EXOC6B: variants seen among roughly 807,000 people sequenced by gnomAD.
EXOC6B encodes the protein SEC15 homolog B.
Under a neutral mutation model 113.5 loss-of-function variants are expected in EXOC6B, and 54 were observed. The ratio of observed to expected loss-of-function variants is 0.48; its 90% confidence interval spans 0.38 to 0.60. EXOC6B has a LOEUF of 0.60. Among genes scored for constraint, EXOC6B ranks in the 20% least tolerant of loss-of-function variants. The pLI is 0.00. For missense variants in EXOC6B, 797 were observed against 977.5 expected (o/e 0.82, Z 2.46); for synonymous variants, 357 against 339.0 (o/e 1.05, Z -0.58).
At chr2:72,752,990 A>G (rs1473299951) in intron 1 of EXOC6B, among the ~76,000 whole-genome samples, 2 of 152,038 alleles carry the variant, frequency 1.3e-5, no homozygotes, top group Non-Finnish European at 2.9e-5. Flanking sequence ...ATACCCTCAG[A>G]GATCTCATCA....
Position 72,515,129 on chromosome 2 carries a change from G to A in EXOC6B, c.916-3C>T. Reference sequence around the variant, plus strand: ...TTCTCAAATGTTTCCCGGGCACCCTGTAAATAAAGAAAAGAAAATGGGTTG... The same window carrying A: ...TTCTCAAATGTTTCCCGGGCACCCTATAAATAAAGAAAAGAAAATGGGTTG... On this transcript the variant is annotated splice_polypyrimidine_tract_variant and splice_region_variant and intron_variant, in intron 8 of 21. Coordinates refer to ENST00000272427, the MANE Select transcript of EXOC6B (RefSeq NM_015189.3). 6.3e-7 allele frequency: 1 copy of A among 1,593,548 alleles called. No homozygotes were observed. Among genetic ancestry groups the A allele is most frequent in the Non-Finnish European group, 8.6e-7 (1 of 1,169,018 alleles).
At chr2:72,195,088 C>T (rs116218017) in intron 20 of EXOC6B, among the ~76,000 whole-genome samples, 2,031 of 152,198 alleles carry the variant, frequency 0.013, 30 homozygotes, top group Non-Finnish European at 0.02. Context: ...ATTTATTTGC[C>T]GCATAAATGT....
intron 20 of EXOC6B, among the ~76,000 whole-genome samples, chr2:72,301,997 T>C (rs970543972): frequency 1.3e-5 from 2 of 152,144 alleles, no homozygotes; most frequent in Non-Finnish European, 2.9e-5. Flanking sequence ...TTCCCTCTTT[T>C]CATTGCCTTA....
In EXOC6B at chr2:72,655,958, T is replaced by C. The variant is rs368489330; in HGVS notation, c.669+62145A>G. On this transcript the variant is annotated intron_variant, in intron 6 of 21. Coordinates refer to ENST00000272427, the MANE Select transcript of EXOC6B (RefSeq NM_015189.3). ...AGATAGGATGCCTCTATTGTAAATA[T>C]GTCAATTAATCCAGTAATTAAATTA... Among the ~76,000 whole-genome samples the C allele has an allele frequency of 1.5e-4, 23 of 152,242 alleles. 2 individuals carry two copies. The highest frequency in any genetic ancestry group is 4.6e-4 in the African/African-American group (19 of 41,574).
intron 1 of EXOC6B, among the ~76,000 whole-genome samples, chr2:72,777,576 T>C (rs1189713474): frequency 1.3e-5 from 2 of 151,852 alleles, no homozygotes; most frequent in Non-Finnish European, 2.9e-5. Context: ...CTAAAGCAAG[T>C]CCCTCAGGCT....
At chr2:72,465,070 A>T in intron 18 of EXOC6B, 90 bp downstream of exon 18, 2 of 1,045,000 alleles carry the variant, frequency 1.9e-6, no homozygotes, top group Non-Finnish European at 2.9e-6. Context: ...CTTCCTGGGT[A>T]GTTACAGCAG....
intron 6 of EXOC6B, among the ~76,000 whole-genome samples, chr2:72,697,229 A>G (rs79344491): frequency 0.016 from 2,498 of 152,272 alleles, 91 homozygotes; most frequent in African/African-American, 0.058. Flanking sequence ...GACTGAGCTA[A>G]TGAGAATAGT....
intron 6 of EXOC6B, among the ~76,000 whole-genome samples, chr2:72,647,344 C>T (rs1374567349): frequency 6.6e-6 from 1 of 152,120 alleles, no homozygotes; most frequent in Non-Finnish European, 1.5e-5. Flanking sequence ...TGAAAATGGC[C>T]ATACTGCCCA....
intron 11 of EXOC6B, among the ~76,000 whole-genome samples, chr2:72,511,746 T>C (rs1700911913): frequency 6.6e-6 from 1 of 152,156 alleles, no homozygotes. Context: ...TCTCTTTTCT[T>C]ACTTCACCCT....
chr2:72,515,317 C>A, intron 8 of EXOC6B, 191 bp from the exon 9 acceptor site: 1 of 883,302 alleles, frequency 1.1e-6, no homozygotes, highest in South Asian at 1.8e-5. Flanking sequence ...TAGTTACAAA[C>A]CTGTAAGGAT....
intron 2 of EXOC6B, among the ~76,000 whole-genome samples, chr2:72,738,330 AC>A (rs1681094563): frequency 6.6e-6 from 1 of 152,212 alleles, no homozygotes; most frequent in African/African-American, 2.4e-5. Flanking sequence ...AGTCACCCAA[AC>A]CAGAAACCTA....
At chr2:72,676,473 C>A (rs934066706) in intron 6 of EXOC6B, among the ~76,000 whole-genome samples, 3 of 151,982 alleles carry the variant, frequency 2.0e-5, no homozygotes, top group Admixed American at 6.6e-5. Context: ...GTGAAGAGTT[C>A]AAAACTTTTA....
chr2:72,386,396 G>A (rs938194131), intron 18 of EXOC6B, among the ~76,000 whole-genome samples: 1 of 152,184 alleles, frequency 6.6e-6, no homozygotes, highest in Non-Finnish European at 1.5e-5. Flanking sequence ...GAAGGTAAGT[G>A]TTGATAGCCA....
intron 20 of EXOC6B, among the ~76,000 whole-genome samples, chr2:72,288,392 G>A (rs1685571911): frequency 1.3e-5 from 2 of 151,750 alleles, no homozygotes; most frequent in Admixed American, 1.3e-4. Flanking sequence ...AGCACTATTT[G>A]TAAAAATAAA....
chr2:72,748,741 G>T (rs1681857370), intron 1 of EXOC6B, among the ~76,000 whole-genome samples: 1 of 151,972 alleles, frequency 6.6e-6, no homozygotes, highest in South Asian at 2.1e-4. Flanking sequence ...CCCAATGATG[G>T]CTATTTCCAG....
chr2:72,783,718 G>C (rs1684208636), intron 1 of EXOC6B, among the ~76,000 whole-genome samples: 1 of 152,004 alleles, frequency 6.6e-6, no homozygotes, highest in African/African-American at 2.4e-5. Flanking sequence ...TTTTCCTGTT[G>C]TTTGGATTCT....
chr2:72,667,479 A>T lies in EXOC6B; in HGVS notation c.669+50624T>A, dbSNP rs575039785. 1.6e-4 allele frequency among the ~76,000 whole-genome samples: 24 copies of T among 152,336 alleles called. 1 individual carries two copies. In the South Asian group the frequency reaches 5.0e-3, roughly 32 times the overall value. ...ACATTACCTGACTTCAAACTATACT[A>T]TAAGACTACAGTAATCAAAACAGCA... On this transcript the variant is annotated intron_variant, in intron 6 of 21. Transcript: ENST00000272427.
intron 20 of EXOC6B, among the ~76,000 whole-genome samples, chr2:72,276,693 T>G (rs1262105845): frequency 1.3e-5 from 2 of 152,140 alleles, no homozygotes; most frequent in East Asian, 3.8e-4. Flanking sequence ...GTTTTAATTA[T>G]TTTTTTCAAA....
chr2:72,820,307 A>C (rs1302616010), intron 1 of EXOC6B, among the ~76,000 whole-genome samples: 3 of 152,194 alleles, frequency 2.0e-5, no homozygotes, highest in Non-Finnish European at 4.4e-5. Context: ...AAACAACAGC[A>C]GCTGTGTTAT....
Sources: gnomAD v4.1 joint callset for allele counts (sites outside exome capture counted in the v4.1 genomes callset) on GRCh38, gnomAD v4.1.1 for gene constraint, MANE v1.5 for transcripts, NCBI Gene and HGNC (gene_info 2026-07-23, HGNC 2026-07-21) for gene names.